SPIRE1: variants seen among roughly 807,000 people sequenced by gnomAD.
SPIRE1 encodes the protein protein spire homolog 1.
A neutral mutation model predicts 94.1 loss-of-function variants in SPIRE1; 40 were observed. The ratio of observed to expected loss-of-function variants is 0.43; its 90% confidence interval spans 0.33 to 0.55. SPIRE1 has a LOEUF of 0.55. Ranked by LOEUF, SPIRE1 falls within the 20% of genes least tolerant of loss-of-function variation. The pLI, the probability that SPIRE1 is intolerant of heterozygous loss-of-function variation, is 0.06. For missense variants in SPIRE1, 838 were observed against 975.2 expected (o/e 0.86, Z 1.87); for synonymous variants, 376 against 371.7 (o/e 1.01, Z -0.13).
At chr18:12,491,455 A>G (rs1029466170) in intron 8 of SPIRE1, among the ~76,000 whole-genome samples, 1 of 152,076 alleles carries the variant, frequency 6.6e-6, no homozygotes, top group South Asian at 2.1e-4. Context: ...GAACAGAACA[A>G]AGAGTCCAGA....
intron 2 of SPIRE1, among the ~76,000 whole-genome samples, chr18:12,614,553 C>T (rs1286364367): frequency 2.6e-5 from 4 of 152,302 alleles, no homozygotes; most frequent in Non-Finnish European, 2.9e-5. Flanking sequence ...CAGTGGCTCA[C>T]GCCTGTAATC....
chr18:12,604,168 AG>A (rs1447016715), intron 2 of SPIRE1, among the ~76,000 whole-genome samples: 2 of 152,194 alleles, frequency 1.3e-5, no homozygotes, highest in Admixed American at 1.3e-4. Flanking sequence ...TGTATCGAGT[AG>A]GGGGAACCCC....
chr18:12,495,622 C>CTGTAATCCCAACACT (rs2033429732), intron 7 of SPIRE1, among the ~76,000 whole-genome samples: 1 of 152,182 alleles, frequency 6.6e-6, no homozygotes. Flanking sequence ...GCTGTAGTGG[C>CTGTAATCCCAACACT]TCATGTCTGT....
chr18:12,506,433 A>T, intron 6 of SPIRE1, 44 bp downstream of exon 6: 1 of 1,587,620 alleles, frequency 6.3e-7, no homozygotes, highest in Non-Finnish European at 8.6e-7. Flanking sequence ...TGCTGGGATT[A>T]CAGGAGTGAG....
chr18:12,635,727 A>G (rs1377146709), intron 1 of SPIRE1, among the ~76,000 whole-genome samples: 1 of 152,210 alleles, frequency 6.6e-6, no homozygotes, highest in Non-Finnish European at 1.5e-5. Flanking sequence ...AAGAACATGA[A>G]CAATTAATAC....
chr18:12,508,168 A>T (rs529134619), intron 5 of SPIRE1, among the ~76,000 whole-genome samples: 68 of 152,230 alleles, frequency 4.5e-4, no homozygotes, highest in African/African-American at 1.5e-3. Flanking sequence ...ATAAAAAAAA[A>T]ATAAAGTGAC....
At chr18:12,494,203 TCCC>T (rs2033350003) in intron 7 of SPIRE1, among the ~76,000 whole-genome samples, 1 of 152,042 alleles carries the variant, frequency 6.6e-6, no homozygotes, top group Non-Finnish European at 1.5e-5. Context: ...GTGAGCCACC[TCCC>T]AAGTGCTGTG....
chr18:12,524,472 C>G (rs1205920369), intron 4 of SPIRE1, among the ~76,000 whole-genome samples: 1 of 152,092 alleles, frequency 6.6e-6, no homozygotes, highest in Non-Finnish European at 1.5e-5. Context: ...GCTATTTATA[C>G]TGATGGGGGG....
At chr18:12,634,806 G>A (rs2037878380) in intron 2 of SPIRE1, among the ~76,000 whole-genome samples, 1 of 152,004 alleles carries the variant, frequency 6.6e-6, no homozygotes, top group Non-Finnish European at 1.5e-5. Context: ...GTGGTGGTGG[G>A]TGCCTATAAT....
At position 12,493,220 on chromosome 18, in the gene SPIRE1, G is replaced by A. The variant is rs763321698; in HGVS notation, c.1060-19C>T. 3 of 1,602,104 alleles carry A rather than the reference G, an allele frequency of 1.9e-6. No homozygotes were observed. Among genetic ancestry groups the A allele is most frequent in the South Asian group, 1.1e-5 (1 of 89,066 alleles). ...CTGAGACCTTGAAAGTAAGAAAAAT[G>A]GCTAAAGACTTCAGTAATTAAGTAA... is the stretch of plus-strand genomic sequence containing the variant. On this transcript the variant is annotated intron_variant, in intron 7 of 16. Coordinates refer to ENST00000409402, the MANE Select transcript of SPIRE1 (RefSeq NM_001128626.2).
intron 2 of SPIRE1, among the ~76,000 whole-genome samples, chr18:12,571,524 A>G (rs1465238542): frequency 6.6e-6 from 1 of 152,228 alleles, no homozygotes; most frequent in Non-Finnish European, 1.5e-5. Context: ...GTGAGTCCCA[A>G]CTAAGAAGCC....
intron 2 of SPIRE1, among the ~76,000 whole-genome samples, chr18:12,561,672 TTTGTAAG>T (rs1370926628): frequency 5.3e-5 from 8 of 152,318 alleles, no homozygotes; most frequent in South Asian, 2.1e-4. Flanking sequence ...GTTAGCTGTG[TTTGTAAG>T]TTCATAATTT....
At chr18:12,568,029 C>T (rs114461417) in intron 2 of SPIRE1, among the ~76,000 whole-genome samples, 2,889 of 152,262 alleles carry the variant, frequency 0.019, 93 homozygotes, top group African/African-American at 0.062. Context: ...CCATTTGGCT[C>T]CTGCCACCCT....
chr18:12,635,455 T>C (rs531003653), intron 1 of SPIRE1, among the ~76,000 whole-genome samples: 62 of 152,202 alleles, frequency 4.1e-4, no homozygotes, highest in Non-Finnish European at 6.8e-4. Context: ...TTATTTTAAG[T>C]ATACCTTAGG....
At chr18:12,602,021 G>A (rs2036847107) in intron 2 of SPIRE1, among the ~76,000 whole-genome samples, 1 of 152,074 alleles carries the variant, frequency 6.6e-6, no homozygotes, top group South Asian at 2.1e-4. Context: ...TGCTCACTTG[G>A]GTGACTAGGG....
intron 12 of SPIRE1, 56 bp from the exon 13 acceptor site, chr18:12,454,539 C>A (rs1312456125): frequency 4.5e-6 from 7 of 1,558,212 alleles, no homozygotes; most frequent in Non-Finnish European, 6.2e-6. Context: ...TCTGGAAGTG[C>A]AAAATTTCCC....
chr18:12,538,333 C>A (rs1173956158), intron 3 of SPIRE1, among the ~76,000 whole-genome samples: 1 of 152,054 alleles, frequency 6.6e-6, no homozygotes, highest in Non-Finnish European at 1.5e-5. Flanking sequence ...GGTTATATGA[C>A]CTTGGACAAG....
At chr18:12,533,170 G>A (rs976907527) in intron 4 of SPIRE1, among the ~76,000 whole-genome samples, 1 of 152,166 alleles carries the variant, frequency 6.6e-6, no homozygotes, top group Admixed American at 6.5e-5. Flanking sequence ...AAAACAGGAT[G>A]GAACTAATGC....
At chr18:12,474,820 A>G (rs921571390) in intron 10 of SPIRE1, among the ~76,000 whole-genome samples, 1 of 151,680 alleles carries the variant, frequency 6.6e-6, no homozygotes, top group African/African-American at 2.4e-5. Flanking sequence ...CTCCATCTCA[A>G]AAAACCCCCC....
Sources: gnomAD v4.1 joint callset for allele counts (sites outside exome capture counted in the v4.1 genomes callset) on GRCh38, gnomAD v4.1.1 for gene constraint, MANE v1.5 for transcripts, NCBI Gene and HGNC (gene_info 2026-07-23, HGNC 2026-07-21) for gene names.